LPO: variants seen among roughly 807,000 people sequenced by gnomAD.
LPO encodes the protein salivary peroxidase.
A neutral mutation model predicts 68.4 loss-of-function variants in LPO; 70 were observed. That is an observed-to-expected ratio of 1.02 (90% confidence interval 0.84 to 1.25). LPO has a LOEUF of 1.25. Among genes scored for constraint, LPO ranks in the 50% most tolerant of loss-of-function variants. The pLI is 0.00. For synonymous variants in LPO, 360 were observed against 357.6 expected, an observed-to-expected ratio of 1.01 and a Z score of -0.08; for missense variants, 873 against 908.4, an observed-to-expected ratio of 0.96 and a Z score of 0.50.
At chr17:58,243,171 T>C in intron 2 of LPO, 116 bp downstream of exon 2, 1 of 1,015,384 alleles carries the variant, frequency 9.8e-7, no homozygotes, top group South Asian at 1.4e-5. Context: ...AAGTCCAAAA[T>C]CAAGGTGTTG....
rs1251845722 is a variant in LPO, at chr17:58,252,409, C to T, written c.1008C>T (p.Val336=). 1 of 1,614,030 alleles carries T rather than the reference C, an allele frequency of 6.2e-7. No individual in the cohort carries two copies. The highest frequency in any genetic ancestry group is 8.5e-7 in the Non-Finnish European group (1 of 1,180,034). The change falls in exon 8 of 13, where the codon GTC becomes GTT. Residue 336 remains valine (V), a synonymous_variant. Transcript: ENST00000262290. ...GCCTCATGGCTGTCAACCAGGAGGT[C>T]TCAGACCATGGACTACCCTACCTGC... ...PLGLMAVNQE[V]SDHGLPYLPY...
chr17:58,252,597 A>C (rs1969983518), intron 8 of LPO, 91 bp downstream of exon 8: 1 of 1,289,816 alleles, frequency 7.8e-7, no homozygotes, highest in Non-Finnish European at 1.1e-6. Flanking sequence ...TCTTTCTGGA[A>C]AAATGCACAC....
chr17:58,249,451 C>T (rs1969914762), intron 5 of LPO, 115 bp from the exon 6 acceptor site: 2 of 1,430,976 alleles, frequency 1.4e-6, no homozygotes, highest in Non-Finnish European at 9.2e-7. Context: ...TTTGAGAGGC[C>T]CCCTTCTCTG....
rs8178329 is a variant in LPO, at chr17:58,249,160, G to A, written c.426G>A (p.Thr142=). 5.6e-6 allele frequency: 9 copies of A among 1,614,024 alleles called. No individual in the cohort carries two copies. Among genetic ancestry groups the A allele is most frequent in the South Asian group, 5.5e-5 (5 of 91,082 alleles). The part of the protein sequence containing the change: ...CDPCSPYRTI[T]GDCNNRRKPA... ...CGTGCAGCCCTTACCGCACCATTAC[G>A]GGAGACTGCAATAACAGGTGGCGGG... The change falls in exon 5 of 13, where the codon ACG becomes ACA. Residue 142 remains threonine (T), a synonymous_variant. Coordinates refer to ENST00000262290, the MANE Select transcript of LPO (RefSeq NM_006151.3).
Position 58,242,996 on chromosome 17 carries a change from A to G in LPO, c.17A>G (p.His6Arg), listed in dbSNP as rs1271051538. The G allele has an allele frequency of 4.3e-6, 7 of 1,613,864 alleles. No homozygotes were observed. In the East Asian group the frequency reaches 1.3e-4, roughly 31 times the overall value. ...GTTTCAGTGATGAGGGTCCTTCTCC[A>G]TCTCCCAGCCCTCCTGGCTTCCCTC... MRVLL[H>R]LPALLASLIL... The change falls in exon 2 of 13, where the codon CAT becomes CGT. Residue 6 changes from histidine to arginine, a missense_variant. By Grantham distance (29) the His-to-Arg change is conservative. Transcript: ENST00000262290.
intron 1 of LPO, among the ~76,000 whole-genome samples, chr17:58,241,334 C>T (rs1299254011): frequency 6.6e-6 from 1 of 151,962 alleles, no homozygotes; most frequent in African/African-American, 2.4e-5. Context: ...TGGTCTCCAA[C>T]CCCTGACCTC....
intron 1 of LPO, among the ~76,000 whole-genome samples, chr17:58,242,260 A>C (rs1340190029): frequency 6.6e-6 from 1 of 152,256 alleles, no homozygotes; most frequent in East Asian, 1.9e-4. Flanking sequence ...GTTAAAGCTC[A>C]TGGCAAAGAG....
At chr17:58,267,702 C>A in intron 12 of LPO, 85 bp from the exon 13 acceptor site, 2 of 1,474,402 alleles carry the variant, frequency 1.4e-6, no homozygotes, top group South Asian at 1.2e-5. Flanking sequence ...TTTTCATGGT[C>A]CCTGTGACCC....
In LPO at chr17:58,266,218, A is replaced by G; in HGVS notation, c.1585A>G (p.Met529Val). Residue 529 changes from methionine to valine, a missense_variant, in exon 11 of 13, where the codon ATG becomes GTG. Physicochemically the swap from Met to Val is conservative, Grantham distance 21. Transcript: ENST00000262290. ...ATCCAAGCTGATGAAACAGAATAAAATGATGACTGGAGAGCTGCGCAACAA... is the reference window on the plus strand; with the variant it reads ...ATCCAAGCTGATGAAACAGAATAAAGTGATGACTGGAGAGCTGCGCAACAA... Reference protein sequence around the residue: ...KKSKLMKQNKMMTGELRNKLF... With the variant: ...KKSKLMKQNKVMTGELRNKLF... 4 of 1,614,182 alleles carry G rather than the reference A, an allele frequency of 2.5e-6. No individual in the cohort carries two copies. Among genetic ancestry groups the G allele is most frequent in the Non-Finnish European group, 3.4e-6 (4 of 1,180,038 alleles).
rs1461468611 is a variant in LPO, at chr17:58,249,587, C to T, written c.465C>T (p.Ala155=). 1 of 1,604,104 alleles carries T rather than the reference C, an allele frequency of 6.2e-7. No individual in the cohort carries two copies. Among genetic ancestry groups the T allele is most frequent in the Non-Finnish European group, 8.5e-7 (1 of 1,179,294 alleles). The change falls in exon 6 of 13, where the codon GCC becomes GCT. Residue 155 remains alanine (A), a synonymous_variant. Transcript: ENST00000262290. The part of the protein sequence containing the change: ...CNNRRKPALG[A]ANRALARWLP... ...TCAGGAGGAAGCCTGCGCTGGGCGC[C>T]GCCAACAGGGCTCTGGCGCGCTGGC...
intron 3 of LPO, 155 bp downstream of exon 3, chr17:58,244,236 T>C: frequency 1.6e-6 from 1 of 641,802 alleles, no homozygotes; most frequent in Non-Finnish European, 2.8e-6. Flanking sequence ...CTCCTAGCCC[T>C]CCAAGTACAT....
At chr17:58,258,493 T>G (rs536390648) in intron 9 of LPO, among the ~76,000 whole-genome samples, 1 of 152,330 alleles carries the variant, frequency 6.6e-6, no homozygotes, top group African/African-American at 2.4e-5. Context: ...TCTGTTACAT[T>G]GGTCTTTGTG....
At position 58,264,786 on chromosome 17, in the gene LPO, C is replaced by T. The variant is rs1728752927; in HGVS notation, c.1331C>T (p.Pro444Leu). ...GACCACATGCAGAAGTGGATACCCC[C>T]ATATCAAGGCTACAGTGAATCTGTG... ...LGDHMQKWIP[P>L]YQGYSESVDP... is the part of the protein sequence containing the mutation. The change falls in exon 10 of 13, where the codon CCA (proline) becomes CTA (leucine). Residue 444 changes from proline to leucine, a missense_variant. Transcript: ENST00000262290. 2 of 1,614,112 alleles carry T rather than the reference C, an allele frequency of 1.2e-6. No individual in the cohort carries two copies. The highest frequency in any genetic ancestry group is 1.3e-5 in the African/African-American group (1 of 74,938).
chr17:58,266,071 C>A, intron 10 of LPO, 82 bp from the exon 11 acceptor site: 2 of 1,364,050 alleles, frequency 1.5e-6, no homozygotes, highest in South Asian at 1.4e-5. Context: ...GAGAAAATGT[C>A]TGGTGGAGGC....
At chr17:58,241,235 C>T (rs1477711310) in intron 1 of LPO, among the ~76,000 whole-genome samples, 2 of 150,232 alleles carry the variant, frequency 1.3e-5, no homozygotes, top group East Asian at 2.0e-4. Context: ...CTCAGTCTCC[C>T]GAGTAGCTGG....
At chr17:58,240,930 G>C (rs903718571) in intron 1 of LPO, among the ~76,000 whole-genome samples, 1 of 152,178 alleles carries the variant, frequency 6.6e-6, no homozygotes, top group East Asian at 1.9e-4. Flanking sequence ...CAGGAGCTAG[G>C]GGGAAGGGGA....
intron 9 of LPO, among the ~76,000 whole-genome samples, chr17:58,262,165 T>G (rs1038688418): frequency 1.3e-5 from 2 of 152,206 alleles, no homozygotes; most frequent in East Asian, 3.9e-4. Flanking sequence ...TTTAGAGAGT[T>G]TCCTTTAGCC....
intron 6 of LPO, 107 bp downstream of exon 6, chr17:58,249,802 G>C (rs1969924058): frequency 7.2e-7 from 1 of 1,397,542 alleles, no homozygotes; most frequent in Non-Finnish European, 9.4e-7. Context: ...GGCAGCAGGG[G>C]TGCGCGATGG....
intron 9 of LPO, among the ~76,000 whole-genome samples, chr17:58,258,910 AATTGGACT>A: frequency 6.6e-6 from 1 of 152,314 alleles, no homozygotes; most frequent in African/African-American, 2.4e-5. Flanking sequence ...CCTATTTTCA[AATTGGACT>A]ATTTGACTTG....
Sources: gnomAD v4.1 joint callset for allele counts (sites outside exome capture counted in the v4.1 genomes callset) on GRCh38, gnomAD v4.1.1 for gene constraint, MANE v1.5 for transcripts, NCBI Gene and HGNC (gene_info 2026-07-23, HGNC 2026-07-21) for gene names.